Variants in ADGRA1 observed in about 807,000 individuals in gnomAD.
ADGRA1 encodes the protein adhesion G protein-coupled receptor A1.
In ADGRA1, 12 loss-of-function variants were observed where a neutral mutation model predicts 21.3. That is an observed-to-expected ratio of 0.56 (90% CI 0.36 to 0.91). The LOEUF (loss-of-function observed/expected upper bound fraction) is 0.91, where lower values mean the gene tolerates loss of function less well. Ranked by LOEUF, ADGRA1 falls within the 40% of genes least tolerant of loss-of-function variation. The probability of loss-of-function intolerance (pLI) is 0.01; values close to 1 mark genes in which losing one functional copy is unlikely to be tolerated. For missense variants in ADGRA1, 790 were observed against 805.6 expected, an observed-to-expected ratio of 0.98 and a Z score of 0.23; for synonymous variants, 385 against 368.8, an observed-to-expected ratio of 1.04 and a Z score of -0.50.
intron 5 of ADGRA1, among the ~76,000 whole-genome samples, chr10:133,121,612 G>A (rs1353004866): frequency 1.3e-5 from 2 of 149,974 alleles, no homozygotes; most frequent in African/African-American, 4.9e-5. Flanking sequence ...GTGCATGTGA[G>A]TGCCTGTGTG....
At chr10:133,100,071 G>A (rs930864993) in intron 4 of ADGRA1, among the ~76,000 whole-genome samples, 6 of 152,342 alleles carry the variant, frequency 3.9e-5, no homozygotes, top group South Asian at 4.1e-4. Flanking sequence ...CCGGGCAGGC[G>A]CTCACACAAA....
In ADGRA1 at chr10:133,128,372, C is replaced by T; in HGVS notation, c.544C>T (p.Pro182Ser). Residue 182 changes from proline (P) to serine (S), a missense_variant, in exon 7 of 7, where the codon CCA becomes TCA. Physicochemically the swap from Pro to Ser is moderately conservative, Grantham distance 74 (BLOSUM62 -1). Transcript: ENST00000392607. ...WEPSLGAFYG[P>S]AAIITLVTCV... ...GCCCAGCCTGGGCGCCTTCTACGGC[C>T]CAGCCGCCATCATCACCCTGGTCAC... 6.3e-7 allele frequency: 1 copy of T among 1,582,430 alleles called. No individual in the cohort carries two copies. Among genetic ancestry groups the T allele is most frequent in the Non-Finnish European group, 8.6e-7 (1 of 1,166,368 alleles).
chr10:133,117,869 G>A (rs1006630213), intron 5 of ADGRA1, among the ~76,000 whole-genome samples: 1 of 152,246 alleles, frequency 6.6e-6, no homozygotes, highest in African/African-American at 2.4e-5. Flanking sequence ...CTAGTTGCCA[G>A]CTCCAGCCAG....
intron 4 of ADGRA1, among the ~76,000 whole-genome samples, chr10:133,100,171 C>CCTGGGA (rs1851765148): frequency 2.0e-5 from 3 of 152,238 alleles, no homozygotes; most frequent in Non-Finnish European, 1.5e-5. Context: ...GTGCCCCCGG[C>CCTGGGA]CTGGGCCTGG....
chr10:133,111,848 C>T (rs373667709), intron 5 of ADGRA1, among the ~76,000 whole-genome samples: 20 of 147,286 alleles, frequency 1.4e-4, no homozygotes, highest in South Asian at 4.3e-4. Context: ...CTGCCCACCA[C>T]GGGCACCTCC....
At chr10:133,112,895 AGTTCG>A (rs1381777607) in intron 5 of ADGRA1, among the ~76,000 whole-genome samples, 36 of 85,356 alleles carry the variant, frequency 4.2e-4, no homozygotes, top group South Asian at 4.3e-4. Context: ...GGGCCGCGTC[AGTTCG>A]GTTATTTGGG....
intron 5 of ADGRA1, among the ~76,000 whole-genome samples, chr10:133,125,665 G>A (rs758472360): frequency 2.0e-5 from 3 of 151,946 alleles, no homozygotes; most frequent in Non-Finnish European, 4.4e-5. Context: ...TCCTGACCTC[G>A]TGATCTGCCC....
chr10:133,107,115 C>A (rs980628549), intron 5 of ADGRA1, among the ~76,000 whole-genome samples: 5 of 152,130 alleles, frequency 3.3e-5, no homozygotes, highest in African/African-American at 7.2e-5. Context: ...AAATGGGGTT[C>A]TTTTCTTAAC....
At chr10:133,101,018 G>C (rs9419004) in intron 4 of ADGRA1, among the ~76,000 whole-genome samples, 62,166 of 152,164 alleles carry the variant, frequency 0.41, 15,931 homozygotes, top group African/African-American at 0.74. Flanking sequence ...TGCTCTGCGA[G>C]GCGAACAGAA....
At chr10:133,094,734 G>A (rs994805827) in intron 2 of ADGRA1, among the ~76,000 whole-genome samples, 1 of 152,132 alleles carries the variant, frequency 6.6e-6, no homozygotes, top group Non-Finnish European at 1.5e-5. Flanking sequence ...AGAGCGTTCA[G>A]GTTTATTTTA....
chr10:133,098,001 G>A (rs1460889682), intron 3 of ADGRA1, among the ~76,000 whole-genome samples: 7 of 152,180 alleles, frequency 4.6e-5, no homozygotes, highest in African/African-American at 7.2e-5. Context: ...CTACCAACTC[G>A]GGGGGAGGCA....
chr10:133,116,675 C>T (rs1280702051), intron 5 of ADGRA1, among the ~76,000 whole-genome samples: 1 of 152,092 alleles, frequency 6.6e-6, no homozygotes, highest in African/African-American at 2.4e-5. Flanking sequence ...GGAGGGCCCC[C>T]CTTCCTCAGT....
intron 5 of ADGRA1, among the ~76,000 whole-genome samples, chr10:133,109,414 C>T (rs1422841569): frequency 6.6e-6 from 1 of 152,154 alleles, no homozygotes; most frequent in Admixed American, 6.5e-5. Flanking sequence ...AGCTGGAAGC[C>T]TGACTGCTTG....
intron 3 of ADGRA1, among the ~76,000 whole-genome samples, chr10:133,097,371 G>A (rs996748892): frequency 6.6e-6 from 1 of 152,194 alleles, no homozygotes; most frequent in African/African-American, 2.4e-5. Context: ...CCTTAACTGG[G>A]CAAAATAAGT....
Position 133,102,755 on chromosome 10 carries a change from C to G in ADGRA1, c.314C>G (p.Ala105Gly). 6 of 1,612,756 alleles carry G rather than the reference C, an allele frequency of 3.7e-6. No homozygotes were observed. The highest frequency in any genetic ancestry group is 5.1e-6 in the Non-Finnish European group (6 of 1,179,838). ...LSTMLWIGVT[A>G]RNIYKQVTKK... ...ACCATGCTGTGGATAGGAGTGACCGCCAGGAACATCTACAAGCAGGTGACC... is the reference window on the plus strand; with the variant it reads ...ACCATGCTGTGGATAGGAGTGACCGGCAGGAACATCTACAAGCAGGTGACC... The change falls in exon 5 of 7, where the codon GCC (alanine) becomes GGC (glycine). Residue 105 changes from alanine to glycine, a missense_variant. Physicochemically the swap from Ala to Gly is moderately conservative, Grantham distance 60. Transcript: ENST00000392607.
At chr10:133,123,546 G>T (rs1564854179) in intron 5 of ADGRA1, among the ~76,000 whole-genome samples, 1 of 152,190 alleles carries the variant, frequency 6.6e-6, no homozygotes, top group African/African-American at 2.4e-5. Flanking sequence ...GTGTAGCTGG[G>T]GTTCACCGCA....
chr10:133,128,550 C>T lies in ADGRA1; in HGVS notation c.722C>T (p.Pro241Leu). ...RPGTPPAHDA[P>L]GASVLQNEHS... ...GGCACCCCACCCGCACACGATGCCCCCGGCGCCTCCGTGCTGCAGAACGAG... is the reference window on the plus strand; with the variant it reads ...GGCACCCCACCCGCACACGATGCCCTCGGCGCCTCCGTGCTGCAGAACGAG... The change falls in exon 7 of 7, where the codon CCC becomes CTC. Residue 241 changes from proline to leucine, a missense_variant. Pro to Leu is a moderately conservative substitution (Grantham distance 98, BLOSUM62 -3). Coordinates refer to ENST00000392607, the MANE Select transcript of ADGRA1 (RefSeq NM_001083909.3). The T allele has an allele frequency of 6.4e-7, 1 of 1,554,292 alleles. No individual in the cohort carries two copies. The highest frequency in any genetic ancestry group is 1.7e-4 in the Middle Eastern group (1 of 5,882).
chr10:133,111,912 TCCAGACCACC>T (rs1564849602), intron 5 of ADGRA1, among the ~76,000 whole-genome samples: 11 of 10,504 alleles, frequency 1.0e-3, no homozygotes, highest in African/African-American at 3.8e-3. Context: ...TCCTAATGCC[TCCAGACCACC>T]TGCCCGCCGT....
In ADGRA1 at chr10:133,129,529, G is replaced by C. The variant is rs756592960; in HGVS notation, c.*18G>C. ...CTGTGTAGATGGGGGCAGAGGACAC[G>C]GTGTTCCTGGAGGAGCTTCAGAGCA... On this transcript the variant is annotated 3_prime_UTR_variant, in exon 7 of 7. Coordinates refer to ENST00000392607, the MANE Select transcript of ADGRA1 (RefSeq NM_001083909.3). The C allele has an allele frequency of 2.6e-6, 4 of 1,560,480 alleles. No individual in the cohort carries two copies. The Admixed American group carries it at 5.2e-5, about 20-fold the overall frequency.
Sources: allele counts gnomAD v4.1 joint callset (sites outside exome capture counted in the v4.1 genomes callset), GRCh38; gene constraint gnomAD v4.1.1; transcripts MANE v1.5; gene names NCBI Gene and HGNC (gene_info 2026-07-23, HGNC 2026-07-21).